PIEZO2: variants seen among roughly 807,000 people sequenced by gnomAD.
PIEZO2 encodes the protein piezo-type mechanosensitive ion channel component 2.
A neutral mutation model predicts 337.3 loss-of-function variants in PIEZO2; 172 were observed. That is an observed-to-expected ratio of 0.51 (90% CI 0.45 to 0.58). The LOEUF is 0.58. PIEZO2 is among the 20% of genes least tolerant of loss of function. PIEZO2 has a pLI of 0.00. For synonymous variants in PIEZO2, 1,251 were observed against 1,228.5 expected (o/e 1.02, Z -0.38); for missense variants, 3,028 against 3,391.3 (o/e 0.89, Z 2.66).
chr18:10,916,582 G>T (rs1008658030), intron 3 of PIEZO2, among the ~76,000 whole-genome samples: 1 of 152,136 alleles, frequency 6.6e-6, no homozygotes, highest in Non-Finnish European at 1.5e-5. Flanking sequence ...TCTGAGTGTG[G>T]GGTCCGTGAG....
chr18:10,773,758 T>TTTG lies in PIEZO2; in HGVS notation c.2568-130_2568-129insCAA. ...TACAAAGACCTCACAAGGTGGGGTGTTAGCGTTTTGTCACTTTCTTTTTGG... is the reference window on the plus strand; with the variant it reads ...TACAAAGACCTCACAAGGTGGGGTGTTTGTAGCGTTTTGTCACTTTCTTTTTGG... On this transcript the variant is annotated intron_variant, in intron 19 of 55. Coordinates refer to ENST00000674853, the MANE Select transcript of PIEZO2 (RefSeq NM_001378183.1). This position sits in a 1 kb window ranked among gnomAD's most constrained non-coding sequence, Gnocchi z 5.3. 1.1e-6 allele frequency: 1 copy of TTTG among 879,906 alleles called. No homozygotes were observed. The highest frequency in any genetic ancestry group is 1.7e-6 in the Non-Finnish European group (1 of 584,858). The allele number at this position is 879,906 out of a possible 1,614,324, so 54.5% of individuals were successfully genotyped here.
rs148410154 is a variant in PIEZO2 at position 10,862,376 on chromosome 18, T to A, written c.493-5165A>T. Among the ~76,000 whole-genome samples, 1,147 of 152,318 alleles carry A rather than the reference T, an allele frequency of 7.5e-3. 11 individuals are homozygous for A. Among genetic ancestry groups the A allele is most frequent in the African/African-American group, 0.026 (1,072 of 41,560 alleles). On this transcript the variant is annotated intron_variant, in intron 5 of 55. Coordinates refer to ENST00000674853, the MANE Select transcript of PIEZO2 (RefSeq NM_001378183.1). This position sits in a 1 kb window ranked among gnomAD's most constrained non-coding sequence, Gnocchi z 4.4. The stretch of plus-strand genomic sequence containing the variant: ...CTTTACACAAGGCCAGCCTGTTCTC[T>A]GTTAGGGCCCTGAATGAGGGCCTAA...
At chr18:10,706,433 C>T (rs1374270045) in intron 40 of PIEZO2, among the ~76,000 whole-genome samples, 1 of 152,182 alleles carries the variant, frequency 6.6e-6, no homozygotes, top group Admixed American at 6.5e-5. Context: ...CCCTGTGGGA[C>T]TCCAGCCACT....
At chr18:10,916,279 A>G (rs12968409) in intron 3 of PIEZO2, among the ~76,000 whole-genome samples, 143,407 of 152,220 alleles carry the variant, frequency 0.94, 67,677 homozygotes, top group East Asian at 1. Flanking sequence ...CCCACGCTGC[A>G]CGCCCCTGCA....
rs749010254 is a variant in PIEZO2, at chr18:10,929,422, G to A, written c.287-18194C>T. 3.3e-5 allele frequency among the ~76,000 whole-genome samples: 5 copies of A among 152,198 alleles called. No individual in the cohort carries two copies. Among genetic ancestry groups the A allele is most frequent in the Non-Finnish European group, 5.9e-5 (4 of 68,046 alleles). ...AATTATTTTGATCAGATTCAGACAT[G>A]TTTTCCCATATCTTTAAGTAAGATT... On this transcript the variant is annotated intron_variant, in intron 3 of 55. Transcript: ENST00000674853. The surrounding 1 kb of genome is among the most constrained non-coding windows in gnomAD (Gnocchi z 5.6).
rs2039114134 is a variant in PIEZO2 at position 11,092,248 on chromosome 18, G to A, written c.65-26026C>T. Among the ~76,000 whole-genome samples the A allele has an allele frequency of 6.6e-6, 1 of 152,148 alleles. No homozygotes were observed. The highest frequency in any genetic ancestry group is 2.4e-5 in the African/African-American group (1 of 41,426). On this transcript the variant is annotated intron_variant, in intron 1 of 55. Transcript: ENST00000674853. This position sits in a 1 kb window ranked among gnomAD's most constrained non-coding sequence, Gnocchi z 4.5. ...AACAGGAAATAACAATGGGAAAATG[G>A]TTGAAGATATTAAGAAAAGTCCATA...
At chr18:11,020,546 C>G (rs2036273633) in intron 2 of PIEZO2, among the ~76,000 whole-genome samples, 1 of 152,162 alleles carries the variant, frequency 6.6e-6, no homozygotes. Flanking sequence ...AATAAACACT[C>G]ACAGCTCTTG....
At position 10,820,997 on chromosome 18, in the gene PIEZO2, C is replaced by G. The variant is rs188230616; in HGVS notation, c.918-13723G>C. Among the ~76,000 whole-genome samples, 264 of 152,296 alleles carry G rather than the reference C, an allele frequency of 1.7e-3. 2 individuals are homozygous for G. In the Middle Eastern group the frequency reaches 0.02, roughly 12 times the overall value. On this transcript the variant is annotated intron_variant, in intron 7 of 55. Coordinates refer to ENST00000674853, the MANE Select transcript of PIEZO2 (RefSeq NM_001378183.1). ...TCTTTCCCCGGGAGTTTTGCTTTGTCTGACTTCATGGAGTCTTACCTATGC... is the reference window on the plus strand; with the variant it reads ...TCTTTCCCCGGGAGTTTTGCTTTGTGTGACTTCATGGAGTCTTACCTATGC...
At chr18:11,076,339 C>T (rs774528560) in intron 1 of PIEZO2, among the ~76,000 whole-genome samples, 4 of 152,040 alleles carry the variant, frequency 2.6e-5, no homozygotes, top group African/African-American at 9.7e-5. Context: ...AAGACTTTTA[C>T]AAGATAATAG....
rs2033844819 is a variant in PIEZO2, at chr18:10,962,942, T to C, written c.286+16593A>G. The stretch of plus-strand genomic sequence containing the variant: ...TCTCATAAACTTTAAAAGACTAAAA[T>C]TGGTCTGGGGCTATACATATACCCA... On this transcript the variant is annotated intron_variant, in intron 3 of 55. Coordinates refer to ENST00000674853, the MANE Select transcript of PIEZO2 (RefSeq NM_001378183.1). This position sits in a 1 kb window ranked among gnomAD's most constrained non-coding sequence, Gnocchi z 4.1. Among the ~76,000 whole-genome samples, 1 of 152,144 alleles carries C rather than the reference T, an allele frequency of 6.6e-6. No homozygotes were observed. The highest frequency in any genetic ancestry group is 2.4e-5 in the African/African-American group (1 of 41,440).
At chr18:10,881,152 A>T (rs531947612) in intron 4 of PIEZO2, among the ~76,000 whole-genome samples, 1 of 152,042 alleles carries the variant, frequency 6.6e-6, no homozygotes, top group Non-Finnish European at 1.5e-5. Context: ...TTAAACCACA[A>T]AACAGTCATT....
intron 1 of PIEZO2, among the ~76,000 whole-genome samples, chr18:11,076,086 T>G (rs1034727344): frequency 1.3e-5 from 2 of 152,210 alleles, no homozygotes; most frequent in African/African-American, 4.8e-5. Context: ...GTGCCCGGCC[T>G]ACAGATATAT....
rs1367175919 is a variant in PIEZO2 at position 11,048,627 on chromosome 18, A to C, written c.160+17500T>G. ...AAATGCTTATATAGATAACTGAATT[A>C]TTTATATTAGAAGCTTTCACTCACT... On this transcript the variant is annotated intron_variant, in intron 2 of 55. Transcript: ENST00000674853. The surrounding 1 kb of genome is among the most constrained non-coding windows in gnomAD (Gnocchi z 4.5). Among the ~76,000 whole-genome samples the C allele has an allele frequency of 1.3e-5, 2 of 152,228 alleles. No homozygotes were observed. The highest frequency in any genetic ancestry group is 3.9e-4 in the East Asian group (2 of 5,194).
Position 11,101,417 on chromosome 18 carries a change from A to T in PIEZO2, c.65-35195T>A, listed in dbSNP as rs1189838795. Reference sequence around the variant, plus strand: ...TTCCCTTAAAGTTATAGGATAACATAAAAAACCTCTGTTTTCAGCAAATTC... The same window carrying T: ...TTCCCTTAAAGTTATAGGATAACATTAAAAACCTCTGTTTTCAGCAAATTC... On this transcript the variant is annotated intron_variant, in intron 1 of 55. Coordinates refer to ENST00000674853, the MANE Select transcript of PIEZO2 (RefSeq NM_001378183.1). The surrounding 1 kb of genome is among the most constrained non-coding windows in gnomAD (Gnocchi z 4.4). Among the ~76,000 whole-genome samples the T allele has an allele frequency of 6.6e-6, 1 of 152,364 alleles. No homozygotes were observed. The highest frequency in any genetic ancestry group is 2.4e-5 in the African/African-American group (1 of 41,596).
chr18:10,695,281 T>C (rs1353288826), intron 47 of PIEZO2, among the ~76,000 whole-genome samples: 2 of 152,106 alleles, frequency 1.3e-5, no homozygotes, highest in African/African-American at 4.8e-5. Flanking sequence ...AAGGAGGAAG[T>C]AGACTTTGGG....
chr18:10,778,481 C>A (rs138383252), intron 18 of PIEZO2, among the ~76,000 whole-genome samples: 1 of 151,942 alleles, frequency 6.6e-6, no homozygotes, highest in Non-Finnish European at 1.5e-5. Flanking sequence ...TACAGGCGCC[C>A]GCCACCACAC....
intron 47 of PIEZO2, among the ~76,000 whole-genome samples, chr18:10,695,215 C>T (rs540958431): frequency 6.2e-4 from 94 of 152,276 alleles, no homozygotes; most frequent in African/African-American, 2.1e-3. Flanking sequence ...TGCCTGGAGG[C>T]GTGAGGTGGG....
At position 10,750,920 on chromosome 18, in the gene PIEZO2, C is replaced by A. The variant is rs1484502938; in HGVS notation, c.4168-733G>T. Among the ~76,000 whole-genome samples the A allele has an allele frequency of 6.6e-6, 1 of 152,112 alleles. No individual in the cohort carries two copies. ...TCCCCAGCCCTGGGAATATTCCAGT[C>A]CTACACCATCATGTCCTGCTTTTGT... On this transcript the variant is annotated intron_variant, in intron 28 of 55. Transcript: ENST00000674853. The surrounding 1 kb of genome is among the most constrained non-coding windows in gnomAD (Gnocchi z 4.1).
rs569634767 is a variant in PIEZO2 at position 10,888,517 on chromosome 18, ATTGCTTCTGGGTCCT to A, written c.330-17117_330-17103del. Among the ~76,000 whole-genome samples, 11 of 152,228 alleles carry A rather than the reference ATTGCTTCTGGGTCCT, an allele frequency of 7.2e-5. No homozygotes were observed. The South Asian group carries it at 2.3e-3, about 32-fold the overall frequency. On this transcript the variant is annotated intron_variant, in intron 4 of 55. Coordinates refer to ENST00000674853, the MANE Select transcript of PIEZO2 (RefSeq NM_001378183.1). This position sits in a 1 kb window ranked among gnomAD's most constrained non-coding sequence, Gnocchi z 4.1. ...GGAGTAGCATTGTTACGGGGGCGACATTGCTTCTGGGTCCTCTTATTTGACAGAGTCCTTTGCATA... is the reference window on the plus strand; with the variant it reads ...GGAGTAGCATTGTTACGGGGGCGACACTTATTTGACAGAGTCCTTTGCATA...
Sources: allele counts gnomAD v4.1 joint callset (sites outside exome capture counted in the v4.1 genomes callset), GRCh38; gene constraint gnomAD v4.1.1; non-coding constraint Gnocchi (gnomAD v3.1); transcripts MANE v1.5; gene names NCBI Gene and HGNC (gene_info 2026-07-23, HGNC 2026-07-21).